Variants in ADARB2 observed in about 807,000 individuals in gnomAD.
The protein encoded by ADARB2 is adenosine deaminase RNA specific B2 (inactive), also known as inactive double-stranded RNA-specific editase B2.
ADARB2 carries 25 observed loss-of-function variants against 62.2 expected under a neutral mutation model. The observed-to-expected ratio is 0.40, with a 90% CI of 0.29 to 0.56. The LOEUF (loss-of-function observed/expected upper bound fraction) is 0.56. Among genes scored for constraint, ADARB2 ranks in the 20% least tolerant of loss-of-function variants. The probability of loss-of-function intolerance (pLI) is 0.43; values close to 1 mark genes in which losing one functional copy is unlikely to be tolerated. For synonymous variants in ADARB2, 572 were observed against 500.8 expected (o/e 1.14, Z -1.90); for missense variants, 1,071 against 1,077.4 (o/e 0.99, Z 0.08).
intron 1 of ADARB2, among the ~76,000 whole-genome samples, chr10:1,668,328 G>C (rs1167551934): frequency 6.6e-6 from 1 of 152,156 alleles, no homozygotes; most frequent in Non-Finnish European, 1.5e-5. Flanking sequence ...GCTCCCTCTA[G>C]GAATGAGGCA....
intron 1 of ADARB2, among the ~76,000 whole-genome samples, chr10:1,705,529 G>A (rs1834877775): frequency 6.6e-6 from 1 of 152,240 alleles, no homozygotes; most frequent in Non-Finnish European, 1.5e-5. Flanking sequence ...AGGCAGCTGA[G>A]CGGGGGTTAA....
intron 3 of ADARB2, among the ~76,000 whole-genome samples, chr10:1,350,275 C>T (rs1021941768): frequency 6.6e-6 from 1 of 152,236 alleles, no homozygotes; most frequent in South Asian, 2.1e-4. Flanking sequence ...TGCAACTCAT[C>T]CCAAATCTTC....
Position 1,242,164 on chromosome 10 carries a change from T to C in ADARB2, c.1328A>G (p.His443Arg). ...CAGCTCCAGCTGCGTGTAGAGGAAG[T>C]GCAGGAACGCCCGCCGGGCCACGAC... Reference protein sequence around the residue: ...AEVVARRAFLHFLYTQLELHL... With the variant: ...AEVVARRAFLRFLYTQLELHL... Residue 443 changes from histidine (H) to arginine (R), a missense_variant, in exon 5 of 10, where the codon CAC becomes CGC. By Grantham distance (29) the His-to-Arg change is conservative. Coordinates refer to ENST00000381312, the MANE Select transcript of ADARB2 (RefSeq NM_018702.4). 1.2e-6 allele frequency: 2 copies of C among 1,610,292 alleles called. No homozygotes were observed. Among genetic ancestry groups the C allele is most frequent in the Non-Finnish European group, 1.7e-6 (2 of 1,179,610 alleles).
intron 1 of ADARB2, among the ~76,000 whole-genome samples, chr10:1,509,492 G>GT (rs1279572983): frequency 3.3e-5 from 5 of 152,160 alleles, no homozygotes. Context: ...GGGGACAGAG[G>GT]TTTAAGCCCG....
At chr10:1,682,984 G>T (rs1165171788) in intron 1 of ADARB2, among the ~76,000 whole-genome samples, 2 of 152,236 alleles carry the variant, frequency 1.3e-5, no homozygotes, top group South Asian at 4.2e-4. Flanking sequence ...CGCGGAGGTG[G>T]GCTAAGAAGC....
At chr10:1,498,931 C>T (rs563060743) in intron 1 of ADARB2, among the ~76,000 whole-genome samples, 1 of 152,098 alleles carries the variant, frequency 6.6e-6, no homozygotes, top group Non-Finnish European at 1.5e-5. Context: ...ATTCATCATT[C>T]ATCGCTCACT....
chr10:1,316,760 T>G (rs565353810), intron 3 of ADARB2, among the ~76,000 whole-genome samples: 1 of 152,360 alleles, frequency 6.6e-6, no homozygotes, highest in Admixed American at 6.5e-5. Context: ...TATTTTGCAT[T>G]AATGAAAATG....
Position 1,255,760 on chromosome 10 carries a change from G to A in ADARB2, c.1193-13461C>T, listed in dbSNP as rs1831074261. On this transcript the variant is annotated intron_variant, in intron 4 of 9. Transcript: ENST00000381312. The surrounding 1 kb of genome is among the most constrained non-coding windows in gnomAD (Gnocchi z 4.7). ...CGCTAGACAGTGTGACCTCATGAGAGTGGAGGGGATCCCTCCCAAACAGGT... is the reference window on the plus strand; with the variant it reads ...CGCTAGACAGTGTGACCTCATGAGAATGGAGGGGATCCCTCCCAAACAGGT... 6.6e-6 allele frequency among the ~76,000 whole-genome samples: 1 copy of A among 152,232 alleles called. No individual in the cohort carries two copies. The highest frequency in any genetic ancestry group is 6.5e-5 in the Admixed American group (1 of 15,288).
intron 1 of ADARB2, among the ~76,000 whole-genome samples, chr10:1,490,008 A>T (rs1831599992): frequency 1.3e-5 from 2 of 152,252 alleles, no homozygotes; most frequent in South Asian, 4.1e-4. Context: ...TCAGCCTTGC[A>T]GCTGACTGAC....
chr10:1,609,628 T>G (rs1035723480), intron 1 of ADARB2, among the ~76,000 whole-genome samples: 2 of 152,254 alleles, frequency 1.3e-5, no homozygotes, highest in African/African-American at 2.4e-5. Context: ...GACTGCGTGC[T>G]CTCTTAACTG....
Position 1,363,463 on chromosome 10 carries a change from G to C in ADARB2, c.642C>G (p.Ser214=), listed in dbSNP as rs1181183781. 1.4e-6 allele frequency: 2 copies of C among 1,455,356 alleles called. No homozygotes were observed. Among genetic ancestry groups the C allele is most frequent in the African/African-American group, 1.5e-5 (1 of 67,190 alleles). 90.2% of individuals were successfully genotyped at this position (1,455,356 alleles called of 1,614,324 possible). A position where few individuals can be genotyped will look rare whatever the true frequency, so the allele number is the denominator to read the frequency against. ...GCGTGTCGGGGAAATCGGCCTGGTCGGAGGTGAAGTCCGTGCCGGGGCCCG... is the reference window on the plus strand; with the variant it reads ...GCGTGTCGGGGAAATCGGCCTGGTCCGAGGTGAAGTCCGTGCCGGGGCCCG... ...GGPGPGTDFT[S]DQADFPDTLF... is the part of the protein sequence containing the mutation. The change falls in exon 3 of 10, where the codon TCC becomes TCG. Residue 214 remains serine (S), a synonymous_variant. Transcript: ENST00000381312.
chr10:1,428,355 C>T (rs375763334), intron 1 of ADARB2, among the ~76,000 whole-genome samples: 3 of 150,854 alleles, frequency 2.0e-5, no homozygotes, highest in Non-Finnish European at 4.4e-5. Context: ...GGTGCTATCT[C>T]GGCTCACTGC....
intron 1 of ADARB2, among the ~76,000 whole-genome samples, chr10:1,636,485 C>G (rs1221226596): frequency 6.6e-6 from 1 of 152,118 alleles, no homozygotes; most frequent in Non-Finnish European, 1.5e-5. Flanking sequence ...CCATTGCACT[C>G]TAGCCTGGGG....
rs770129179 is a variant in ADARB2, at chr10:1,572,973, C to T, written c.100+164078G>A. Among the ~76,000 whole-genome samples, 195 of 152,376 alleles carry T rather than the reference C, an allele frequency of 1.3e-3. 1 individual carries two copies. Among genetic ancestry groups the T allele is most frequent in the Non-Finnish European group, 1.1e-3 (75 of 68,042 alleles). ...GGTGACCTTTCTCCACATCCACTGC[C>T]CCCGAGTGCTCATTTACATGGCCAG... On this transcript the variant is annotated intron_variant, in intron 1 of 9. Transcript: ENST00000381312.
intron 3 of ADARB2, among the ~76,000 whole-genome samples, chr10:1,356,271 T>C (rs779329141): frequency 3.7e-4 from 56 of 151,968 alleles, no homozygotes; most frequent in Non-Finnish European, 7.1e-4. Context: ...GAAGGTGAGG[T>C]GCTGAAAGAA....
At chr10:1,430,984 C>T (rs1486039263) in intron 1 of ADARB2, among the ~76,000 whole-genome samples, 1 of 152,148 alleles carries the variant, frequency 6.6e-6, no homozygotes, top group Non-Finnish European at 1.5e-5. Flanking sequence ...TGTCAACACC[C>T]TACTGTCAGT....
chr10:1,249,410 C>T (rs1831015453), intron 4 of ADARB2, among the ~76,000 whole-genome samples: 1 of 149,898 alleles, frequency 6.7e-6, no homozygotes, highest in East Asian at 1.9e-4. Flanking sequence ...CCACTGCTCT[C>T]CAGCCTGGGT....
chr10:1,736,356 T>A (rs1835300585), intron 1 of ADARB2, among the ~76,000 whole-genome samples: 1 of 152,176 alleles, frequency 6.6e-6, no homozygotes, highest in Admixed American at 6.5e-5. Context: ...CCCAGGAATA[T>A]CAGTAACAAG....
intron 1 of ADARB2, among the ~76,000 whole-genome samples, chr10:1,688,785 C>T (rs1834631918): frequency 6.6e-6 from 1 of 152,220 alleles, no homozygotes; most frequent in Admixed American, 6.5e-5. Context: ...CTGACCCTGT[C>T]TCATCACTGA....
Sources: allele counts gnomAD v4.1 joint callset (sites outside exome capture counted in the v4.1 genomes callset), GRCh38; gene constraint gnomAD v4.1.1; non-coding constraint Gnocchi (gnomAD v3.1); transcripts MANE v1.5; gene names NCBI Gene and HGNC (gene_info 2026-07-23, HGNC 2026-07-21).